CACNA1C: variants seen among roughly 807,000 people sequenced by gnomAD.
The protein encoded by CACNA1C is voltage-dependent L-type calcium channel subunit alpha-1C.
CACNA1C carries 30 observed loss-of-function variants against 229.0 expected under a neutral mutation model. That is an observed-to-expected ratio of 0.13 (90% CI 0.10 to 0.18). The LOEUF is 0.18. CACNA1C is among the 10% of genes least tolerant of loss of function. The probability of loss-of-function intolerance (pLI) is 1.00; values close to 1 mark genes in which losing one functional copy is unlikely to be tolerated. For synonymous variants in CACNA1C, 1,114 were observed against 1,132.5 expected, an observed-to-expected ratio of 0.98 and a Z score of 0.33; for missense variants, 1,658 against 2,845.0, an observed-to-expected ratio of 0.58 and a Z score of 9.49.
intron 1 of CACNA1C, among the ~76,000 whole-genome samples, chr12:2,106,935 TG>T (rs201220092): frequency 2.8e-4 from 16 of 57,510 alleles, no homozygotes; most frequent in Admixed American, 5.2e-4. Context: ...CCACCTCAGC[TG>T]GGGCGTCCTG....
chr12:2,116,478 G>A (rs1322775949), intron 2 of CACNA1C, among the ~76,000 whole-genome samples: 1 of 151,368 alleles, frequency 6.6e-6, no homozygotes, highest in Non-Finnish European at 1.5e-5. Context: ...CCATTGTCCT[G>A]CCTCAGCCTC....
At chr12:2,125,760 CTCA>C (rs1369190989) in intron 3 of CACNA1C, among the ~76,000 whole-genome samples, 1 of 152,162 alleles carries the variant, frequency 6.6e-6, no homozygotes, top group African/African-American at 2.4e-5. Context: ...TAGAATGTTC[CTCA>C]TGGTGTGATT....
At position 2,304,597 on chromosome 12, in the gene CACNA1C, G is replaced by A. The variant is rs545445003; in HGVS notation, c.478-144379G>A. ...AGCTCCATGACCTGGCCCCAGGGCA[G>A]GCAGCCCCTGCCTCCTCCTCTCTGT... On this transcript the variant is annotated intron_variant, in intron 3 of 46. Coordinates refer to ENST00000399655, the MANE Select transcript of CACNA1C (RefSeq NM_000719.7). 2.6e-5 allele frequency among the ~76,000 whole-genome samples: 4 copies of A among 152,290 alleles called. No homozygotes were observed. The South Asian group carries it at 8.3e-4, about 32-fold the overall frequency.
chr12:2,004,125 G>T, intron 1 of CACNA1C: 1 of 1,025,356 alleles, frequency 9.8e-7, no homozygotes, highest in Non-Finnish European at 1.4e-6. Flanking sequence ...AAACCCCCGA[G>T]ACCCCATCTC....
intron 3 of CACNA1C, among the ~76,000 whole-genome samples, chr12:2,230,401 G>A (rs369723739): frequency 9.2e-5 from 14 of 152,210 alleles, no homozygotes; most frequent in Non-Finnish European, 1.2e-4. Context: ...AGGCGGGGCC[G>A]AGCCTGGAAG....
At chr12:2,082,837 T>C (rs1356223996) in intron 1 of CACNA1C, among the ~76,000 whole-genome samples, 1 of 152,240 alleles carries the variant, frequency 6.6e-6, no homozygotes, top group Admixed American at 6.5e-5. Context: ...ACAAAACGCC[T>C]ATCTCTGCTC....
chr12:2,021,857 G>A (rs1420353175), intron 1 of CACNA1C, among the ~76,000 whole-genome samples: 2 of 152,172 alleles, frequency 1.3e-5, no homozygotes, highest in East Asian at 3.9e-4. Context: ...GCCTTTGCAA[G>A]CTAAACACCT....
At chr12:2,451,805 G>C (rs1431132946) in intron 4 of CACNA1C, among the ~76,000 whole-genome samples, 2 of 152,244 alleles carry the variant, frequency 1.3e-5, no homozygotes, top group African/African-American at 2.4e-5. Context: ...GCATCCAGTT[G>C]TGTGCTCCTG....
chr12:2,489,595 T>C (rs2099709782), intron 6 of CACNA1C, among the ~76,000 whole-genome samples: 1 of 152,200 alleles, frequency 6.6e-6, no homozygotes, highest in Non-Finnish European at 1.5e-5. Flanking sequence ...CCCCTGAGAC[T>C]GGCACAGAGC....
At chr12:2,448,843 G>A in intron 3 of CACNA1C, 133 bp from the exon 4 acceptor site, 2 of 659,352 alleles carry the variant, frequency 3.0e-6, no homozygotes, top group Non-Finnish European at 2.5e-6. Context: ...TTTGGCCTGG[G>A]TGTCCCCACT....
chr12:2,674,904 C>T (rs947392537), intron 39 of CACNA1C, among the ~76,000 whole-genome samples: 1 of 152,202 alleles, frequency 6.6e-6, no homozygotes, highest in Non-Finnish European at 1.5e-5. Context: ...TACAACCCTG[C>T]TTTTTACATA....
intron 3 of CACNA1C, among the ~76,000 whole-genome samples, chr12:2,224,969 C>T (rs762910026): frequency 9.9e-5 from 15 of 152,086 alleles, no homozygotes; most frequent in African/African-American, 1.9e-4. Flanking sequence ...TTTGCAGGAC[C>T]GCAGAACTCA....
intron 7 of CACNA1C, among the ~76,000 whole-genome samples, chr12:2,498,693 T>A (rs940218896): frequency 1.3e-5 from 2 of 152,182 alleles, no homozygotes; most frequent in African/African-American, 4.8e-5. Flanking sequence ...AGGACAGCCC[T>A]GAGGGGCACA....
intron 3 of CACNA1C, chr12:2,221,841 A>G (rs2061538914): frequency 6.6e-6 from 1 of 152,224 alleles, no homozygotes; most frequent in East Asian, 1.9e-4. Flanking sequence ...CGTCCATATG[A>G]TGGAACACCA....
At chr12:2,263,456 G>T (rs1314196828) in intron 3 of CACNA1C, among the ~76,000 whole-genome samples, 1 of 152,122 alleles carries the variant, frequency 6.6e-6, no homozygotes, top group East Asian at 1.9e-4. Flanking sequence ...TTGGGGTGAA[G>T]TGTGAAGCTA....
chr12:2,580,872 C>T (rs554498727), intron 13 of CACNA1C, among the ~76,000 whole-genome samples: 39 of 152,322 alleles, frequency 2.6e-4, no homozygotes, highest in African/African-American at 8.7e-4. Context: ...ACCTGCTGAT[C>T]AGAATCCTGT....
At position 2,248,786 on chromosome 12, in the gene CACNA1C, G is replaced by A. The variant is rs142717516; in HGVS notation, c.477+128356G>A. ...GTGGAGGGGCAATGCCAACCTTGGC[G>A]GTGACGGACTTAGGTTCTATTATGG... On this transcript the variant is annotated intron_variant, in intron 3 of 46. Coordinates refer to ENST00000399655, the MANE Select transcript of CACNA1C (RefSeq NM_000719.7). Among the ~76,000 whole-genome samples, 18 of 152,336 alleles carry A rather than the reference G, an allele frequency of 1.2e-4. No homozygotes were observed. In the East Asian group the frequency reaches 1.5e-3, roughly 13 times the overall value.
chr12:2,584,933 C>T (rs770880390), intron 16 of CACNA1C, among the ~76,000 whole-genome samples: 6 of 152,118 alleles, frequency 3.9e-5, no homozygotes, highest in South Asian at 2.1e-4. Context: ...AGTTGGGAAA[C>T]GCAGCTCCAG....
intron 25 of CACNA1C, 39 bp from the exon 26 acceptor site, chr12:2,606,945 G>A: frequency 6.2e-7 from 1 of 1,605,602 alleles, no homozygotes; most frequent in Non-Finnish European, 8.5e-7. Flanking sequence ...GAAGGAAGAT[G>A]GGAGATCCCA....
Sources: gnomAD v4.1 joint callset for allele counts (sites outside exome capture counted in the v4.1 genomes callset) on GRCh38, gnomAD v4.1.1 for gene constraint, MANE v1.5 for transcripts, NCBI Gene and HGNC (gene_info 2026-07-23, HGNC 2026-07-21) for gene names.